PIGG: variants seen among roughly 807,000 people sequenced by gnomAD.
PIGG encodes the protein GPI ethanolamine phosphate transferase 2, catalytic subunit.
Under a neutral mutation model 83.2 loss-of-function variants are expected in PIGG, and 70 were observed. The observed-to-expected ratio is 0.84, with a 90% confidence interval of 0.69 to 1.03. The LOEUF is 1.03. PIGG is among the 50% of genes least tolerant of loss of function. The pLI is 0.00. For missense variants in PIGG, 1,257 were observed against 1,233.6 expected, an observed-to-expected ratio of 1.02 and a Z score of -0.28; for synonymous variants, 532 against 519.5, an observed-to-expected ratio of 1.02 and a Z score of -0.33.
rs777408282 is a variant in PIGG, at chr4:515,848, T to C, written c.902-125T>C. On this transcript the variant is annotated intron_variant, in intron 5 of 12. Coordinates refer to ENST00000453061, the MANE Select transcript of PIGG (RefSeq NM_001127178.3). This position sits in a 1 kb window ranked among gnomAD's most constrained non-coding sequence, Gnocchi z 4.2. ...ACAGGAGGTGATTCCTGTACGATTC[T>C]GTGTTGAGTGGTGTGAAGAGACGGA... is the stretch of plus-strand genomic sequence containing the variant. 1 of 742,142 alleles carries C rather than the reference T, an allele frequency of 1.3e-6. No individual in the cohort carries two copies. Among genetic ancestry groups the C allele is most frequent in the Non-Finnish European group, 2.4e-6 (1 of 423,684 alleles). The allele number at this position is 742,142 out of a possible 1,614,324, so 46.0% of individuals were successfully genotyped here.
intron 2 of PIGG, chr4:502,261 C>T (rs1157015731): frequency 6.6e-6 from 1 of 152,154 alleles, no homozygotes; most frequent in African/African-American, 2.4e-5. Flanking sequence ...GGAGCCTCAC[C>T]CCAGAGCTAG....
chr4:517,527 T>C (rs931115848), intron 6 of PIGG, among the ~76,000 whole-genome samples: 1 of 152,044 alleles, frequency 6.6e-6, no homozygotes, highest in African/African-American at 2.4e-5. Context: ...GGAAGCCATG[T>C]AAAGAAGTAA....
Position 521,786 on chromosome 4 carries a change from C to G in PIGG, c.1459C>G (p.His487Asp). 2 of 1,614,186 alleles carry G rather than the reference C, an allele frequency of 1.2e-6. No individual in the cohort carries two copies. The highest frequency in any genetic ancestry group is 2.2e-5 in the South Asian group (2 of 91,090). Residue 487 changes from histidine to aspartate, a missense_variant, in exon 8 of 13, where the codon CAC (histidine) becomes GAC (aspartate). Physicochemically the swap from His to Asp is moderately conservative, Grantham distance 81. Transcript: ENST00000453061. ...GGTGATCCTGGTTCTTTCGGCCGTT[C>G]ACGTCATTGTGTGCACCTCAGCTGA... The part of the protein sequence containing the change: ...YLVILVLSAV[H>D]VIVCTSAESS...
At position 515,969 on chromosome 4, in the gene PIGG, CT is replaced by C. The variant is rs766332163; in HGVS notation, c.902-3del. 6.2e-7 allele frequency: 1 copy of C among 1,611,340 alleles called. No homozygotes were observed. Among genetic ancestry groups the C allele is most frequent in the Admixed American group, 1.7e-5 (1 of 60,024 alleles). On this transcript the variant is annotated splice_region_variant and splice_polypyrimidine_tract_variant and intron_variant, in intron 5 of 12. Coordinates refer to ENST00000453061, the MANE Select transcript of PIGG (RefSeq NM_001127178.3). This position sits in a 1 kb window ranked among gnomAD's most constrained non-coding sequence, Gnocchi z 4.2. ...TGTTACTTAAAATGTTTTCTTTCTT[CT>C]AGGTGATATCCGACATCCAAAGCAC...
At position 516,063 on chromosome 4, in the gene PIGG, T is replaced by C; in HGVS notation, c.992T>C (p.Val331Ala). Residue 331 changes from valine to alanine, a missense_variant, in exon 6 of 13, where the codon GTA becomes GCA. By Grantham distance (64) the Val-to-Ala change is moderately conservative (BLOSUM62 0). Transcript: ENST00000453061. The part of the protein sequence containing the change: ...ALGLPIPKDS[V>A]GSLLFPVVEG... The stretch of plus-strand genomic sequence containing the variant: ...GGCTTACCGATTCCAAAAGACAGTG[T>C]AGGGAGCCTCCTATTCCCAGTTGTG... 1 of 1,614,120 alleles carries C rather than the reference T, an allele frequency of 6.2e-7. No individual in the cohort carries two copies. The highest frequency in any genetic ancestry group is 1.1e-5 in the South Asian group (1 of 91,088).
chr4:512,410 T>C (rs1553884110), intron 5 of PIGG, among the ~76,000 whole-genome samples: 4 of 150,894 alleles, frequency 2.7e-5, no homozygotes, highest in Non-Finnish European at 4.4e-5. Context: ...AGAGACAGGG[T>C]TTCACATTAT....
In PIGG at chr4:539,258, A is replaced by G. The variant is rs770332999; in HGVS notation, c.2841A>G (p.Ile947Met). 1 of 1,611,440 alleles carries G rather than the reference A, an allele frequency of 6.2e-7. No homozygotes were observed. The highest frequency in any genetic ancestry group is 1.7e-5 in the Admixed American group (1 of 60,028). ...CATCTCTGCGTTATCATTTATTTATATGGAGTGTATTTTCTCCAAAACTTC... is the reference window on the plus strand; with the variant it reads ...CATCTCTGCGTTATCATTTATTTATGTGGAGTGTATTTTCTCCAAAACTTC... Reference protein sequence around the residue: ...LVTSLRYHLFIWSVFSPKLLY... With the variant: ...LVTSLRYHLFMWSVFSPKLLY... Residue 947 changes from isoleucine to methionine, a missense_variant, in exon 13 of 13, where the codon ATA becomes ATG. Physicochemically the swap from Ile to Met is conservative, Grantham distance 10. Coordinates refer to ENST00000453061, the MANE Select transcript of PIGG (RefSeq NM_001127178.3).
At position 520,247 on chromosome 4, in the gene PIGG, G is replaced by T. The variant is rs116168485; in HGVS notation, c.1115-809G>T. 4.4e-3 allele frequency among the ~76,000 whole-genome samples: 670 copies of T among 152,352 alleles called. 3 individuals are homozygous for T. The highest frequency in any genetic ancestry group is 0.015 in the African/African-American group (627 of 41,576). On this transcript the variant is annotated intron_variant, in intron 6 of 12. Transcript: ENST00000453061. The stretch of plus-strand genomic sequence containing the variant: ...GAAGCTCATGTCAAATACCGAGGGG[G>T]TCTCAGGAAGGAAGTTGTTGCTTTG...
Position 527,114 on chromosome 4 carries a change from G to C in PIGG, c.2145G>C (p.Gly715=). ...LLVVFVLVQR[G]CSPVSKAALA... Reference sequence around the variant, plus strand: ...TAGTTTTTGTGCTGGTGCAGAGGGGGTGCTCCCCTGTGTCCAAGGCTGCCC... The same window carrying C: ...TAGTTTTTGTGCTGGTGCAGAGGGGCTGCTCCCCTGTGTCCAAGGCTGCCC... The change falls in exon 10 of 13, where the codon GGG becomes GGC. Residue 715 remains glycine (G), a synonymous_variant. Coordinates refer to ENST00000453061, the MANE Select transcript of PIGG (RefSeq NM_001127178.3). 1.2e-6 allele frequency: 2 copies of C among 1,614,164 alleles called. No homozygotes were observed. Among genetic ancestry groups the C allele is most frequent in the Non-Finnish European group, 1.7e-6 (2 of 1,180,008 alleles).
At chr4:509,752 C>A (rs1721242869) in intron 5 of PIGG, among the ~76,000 whole-genome samples, 1 of 152,110 alleles carries the variant, frequency 6.6e-6, no homozygotes, top group South Asian at 2.1e-4. Context: ...ACTGGACTGC[C>A]TTCTTGTTTC....
In PIGG at chr4:521,780, G is replaced by A; in HGVS notation, c.1453G>A (p.Ala485Thr). The A allele has an allele frequency of 1.9e-6, 3 of 1,614,164 alleles. No individual in the cohort carries two copies. The highest frequency in any genetic ancestry group is 2.5e-6 in the Non-Finnish European group (3 of 1,180,034). ...LFYLVILVLS[A>T]VHVIVCTSAE... Reference sequence around the variant, plus strand: ...TTATTTGGTGATCCTGGTTCTTTCGGCCGTTCACGTCATTGTGTGCACCTC... The same window carrying A: ...TTATTTGGTGATCCTGGTTCTTTCGACCGTTCACGTCATTGTGTGCACCTC... The change falls in exon 8 of 13, where the codon GCC becomes ACC. Residue 485 changes from alanine to threonine, a missense_variant. By Grantham distance (58) the Ala-to-Thr change is moderately conservative (BLOSUM62 0). Transcript: ENST00000453061.
chr4:508,492 C>G (rs1720686715), intron 4 of PIGG, among the ~76,000 whole-genome samples: 1 of 152,250 alleles, frequency 6.6e-6, no homozygotes, highest in Admixed American at 6.5e-5. Context: ...TTCCATTTGA[C>G]AGATGAGGCG....
chr4:530,920 C>T (rs11931500), intron 11 of PIGG, 175 bp downstream of exon 11: 8 of 588,844 alleles, frequency 1.4e-5, no homozygotes, highest in African/African-American at 3.7e-5. Context: ...GTTTAAGACA[C>T]GCGTCCCAGG....
At chr4:512,543 G>A (rs1482918315) in intron 5 of PIGG, among the ~76,000 whole-genome samples, 5 of 151,942 alleles carry the variant, frequency 3.3e-5, no homozygotes, top group Admixed American at 1.3e-4. Flanking sequence ...TTCTGGCCTG[G>A]CACGGTGGCT....
In PIGG at chr4:530,971, G is replaced by A. The variant is rs757311042; in HGVS notation, c.2571+226G>A. 20 of 528,258 alleles carry A rather than the reference G, an allele frequency of 3.8e-5. No individual in the cohort carries two copies. In the South Asian group the frequency reaches 4.6e-4, roughly 12 times the overall value. The allele number at this position is 528,258 out of a possible 1,614,324, so 32.7% of individuals were successfully genotyped here. A position where few individuals can be genotyped will look rare whatever the true frequency, so the allele number is the denominator to read the frequency against. On this transcript the variant is annotated intron_variant, in intron 11 of 12. Coordinates refer to ENST00000453061, the MANE Select transcript of PIGG (RefSeq NM_001127178.3). ...GCTTAAGACAGCAGACTGCTGCTTT[G>A]CTGGGCCAGGCCTGGGTTTATTTAT...
In PIGG at chr4:530,699, T is replaced by C; in HGVS notation, c.2525T>C (p.Ile842Thr). 1 of 1,613,844 alleles carries C rather than the reference T, an allele frequency of 6.2e-7. No homozygotes were observed. Among genetic ancestry groups the C allele is most frequent in the African/African-American group, 1.3e-5 (1 of 75,058 alleles). The change falls in exon 11 of 13, where the codon ATT becomes ACT. Residue 842 changes from isoleucine (I) to threonine (T), a missense_variant. By Grantham distance (89) the Ile-to-Thr change is moderately conservative. Coordinates refer to ENST00000453061, the MANE Select transcript of PIGG (RefSeq NM_001127178.3). Reference protein sequence around the residue: ...WKPLRHDAAEITVMHYWFGQA... With the variant: ...WKPLRHDAAETTVMHYWFGQA... ...CCCCTGAGACACGATGCAGCTGAGA[T>C]TACTGTGATGCATTATTGGTTTGGT...
At chr4:506,000 A>G (rs1719548895) in intron 3 of PIGG, 73 bp downstream of exon 3, 1 of 997,352 alleles carries the variant, frequency 1.0e-6, no homozygotes, top group African/African-American at 1.7e-5. Context: ...CCCATTACTT[A>G]GTGAGAGATG....
chr4:531,735 C>A (rs371307554), intron 11 of PIGG: 1 of 152,602 alleles, frequency 6.6e-6, no homozygotes. Flanking sequence ...GCTTCTTAGC[C>A]CCGTCCTGGT....
chr4:529,291 G>A (rs1728462928), intron 10 of PIGG, among the ~76,000 whole-genome samples: 1 of 152,144 alleles, frequency 6.6e-6, no homozygotes, highest in African/African-American at 2.4e-5. Flanking sequence ...GAATGCAGAT[G>A]GGCCTATAAT....
Sources: gnomAD v4.1 joint callset for allele counts (sites outside exome capture counted in the v4.1 genomes callset) on GRCh38, gnomAD v4.1.1 for gene constraint, Gnocchi (gnomAD v3.1) non-coding constraint, MANE v1.5 for transcripts, NCBI Gene and HGNC (gene_info 2026-07-23, HGNC 2026-07-21) for gene names.